Variants in MADD observed in about 807,000 individuals in gnomAD.
The protein encoded by MADD is MAP kinase-activating death domain protein.
In MADD, 109 loss-of-function variants were observed where a neutral mutation model predicts 176.7. The observed-to-expected ratio is 0.62, with a 90% CI of 0.53 to 0.72. MADD has a LOEUF of 0.72. Ranked by LOEUF, MADD falls within the 30% of genes least tolerant of loss-of-function variation. The pLI is 0.00. For missense variants in MADD, 1,914 were observed against 2,045.5 expected, an observed-to-expected ratio of 0.94 and a Z score of 1.24; for synonymous variants, 771 against 771.3, an observed-to-expected ratio of 1.00 and a Z score of 0.01.
Position 47,285,002 on chromosome 11 carries a change from C to T in MADD, c.2219C>T (p.Pro740Leu). ...GCAGTAGGCGTCTCCAAGCCCCTCC[C>T]TTCCGTGCCTCCCAGCATTGGCAAA... Residue 740 changes from proline to leucine, a missense_variant, in exon 13 of 33, where the codon CCT becomes CTT. By Grantham distance (98) the Pro-to-Leu change is moderately conservative. Around this residue, in one of 2 missense-constraint regions of MADD, gnomAD observed 1,767 missense variants for 1,836.0 expected, o/e 0.96. Transcript: ENST00000402192. 2 of 1,614,118 alleles carry T rather than the reference C, an allele frequency of 1.2e-6. No individual in the cohort carries two copies. Among genetic ancestry groups the T allele is most frequent in the Admixed American group, 1.7e-5 (1 of 60,026 alleles).
chr11:47,307,229 AAT>A (rs2083541459), intron 22 of MADD, among the ~76,000 whole-genome samples: 1 of 152,158 alleles, frequency 6.6e-6, no homozygotes, highest in African/African-American at 2.4e-5. Context: ...GAGCTGCTTT[AAT>A]AAGAGTATTT....
chr11:47,295,813 T>A (rs1023356249), intron 21 of MADD, 84 bp from the exon 24 acceptor site: 45 of 1,535,882 alleles, frequency 2.9e-5, no homozygotes, highest in Non-Finnish European at 3.7e-5. Flanking sequence ...AATACTTTTT[T>A]ATGGTGGCAG....
At chr11:47,274,871 C>T (rs372861395) in exon 3 of MADD, 68 of 1,613,962 alleles carry the variant, frequency 4.2e-5, no homozygotes, top group Non-Finnish European at 5.6e-5. Context: ...GGAACCCATG[C>T]CACCTGTGCC....
intron 20 of MADD, 86 bp downstream of exon 22, chr11:47,294,069 G>A (rs1410653391): frequency 1.8e-6 from 2 of 1,129,344 alleles, no homozygotes; most frequent in African/African-American, 3.1e-5. Flanking sequence ...CAGTCAGACA[G>A]CCGGGCACAG....
In MADD at chr11:47,289,047, T is replaced by C. The variant is rs763390605; in HGVS notation, c.2654-344T>C. 6.3e-7 allele frequency: 1 copy of C among 1,578,456 alleles called. No homozygotes were observed. On this transcript the variant is annotated intron_variant, in intron 15 of 32. Coordinates refer to ENST00000402192, the Ensembl canonical transcript of MADD. ...GTGAAGGTGGGTCTTGCCTGTGAGC[T>C]GTGCATGATCTTTTTTTTTTCTCTA... is the stretch of plus-strand genomic sequence containing the variant.
At chr11:47,283,360 T>C (rs1592252675) in intron 10 of MADD, among the ~76,000 whole-genome samples, 1 of 152,144 alleles carries the variant, frequency 6.6e-6, no homozygotes. Flanking sequence ...CCCAAAGTGC[T>C]GAGAATACAG....
chr11:47,284,225 C>T, exon 11 of MADD: 2 of 1,614,110 alleles, frequency 1.2e-6, no homozygotes, highest in Non-Finnish European at 1.7e-6. Flanking sequence ...TCTTACTCCT[C>T]CCTTGGTGAC....
At chr11:47,311,415 C>T (rs1445406394) in intron 25 of MADD, among the ~76,000 whole-genome samples, 3 of 152,138 alleles carry the variant, frequency 2.0e-5, no homozygotes, top group African/African-American at 7.2e-5. Context: ...CTATGAAGAG[C>T]CTTGGGTGTT....
chr11:47,276,354 G>A (rs1012954956), intron 4 of MADD, 152 bp downstream of exon 4: 35 of 718,998 alleles, frequency 4.9e-5, no homozygotes, highest in East Asian at 8.1e-5. Flanking sequence ...CAGGTGTTCC[G>A]TAGATGTGGG....
At position 47,326,736 on chromosome 11, in the gene MADD, A is replaced by G. The variant is rs1482290562; in HGVS notation, c.4543-2A>G. On this transcript the variant is annotated splice_acceptor_variant, in intron 30 of 32. Transcript: ENST00000402192. LOFTEE classifies it high-confidence loss of function. ...ACCCCGGCCTCCCTCCCTCTCTTGC[A>G]GGTTTTCATAGAGCTGAATCACATT... 6.2e-7 allele frequency: 1 copy of G among 1,614,066 alleles called. No individual in the cohort carries two copies. The highest frequency in any genetic ancestry group is 8.5e-7 in the Non-Finnish European group (1 of 1,179,932).
intron 5 of MADD, among the ~76,000 whole-genome samples, chr11:47,277,653 C>G (rs1029291324): frequency 3.9e-5 from 6 of 152,148 alleles, no homozygotes; most frequent in Admixed American, 1.3e-4. Context: ...GCATCAGTAC[C>G]CTTGTGCTTT....
chr11:47,293,747 G>GT, intron 19 of MADD, 136 bp from the exon 22 acceptor site: 6 of 621,212 alleles, frequency 9.7e-6, no homozygotes, highest in Non-Finnish European at 1.5e-5. Context: ...TGGGTCCTGA[G>GT]TGGGGGGTAG....
intron 26 of MADD, among the ~76,000 whole-genome samples, chr11:47,314,205 C>A (rs2091758532): frequency 6.6e-6 from 1 of 150,562 alleles, no homozygotes; most frequent in Non-Finnish European, 1.5e-5. Flanking sequence ...GCACTCCAGC[C>A]TGGGTGACAG....
intron 22 of MADD, among the ~76,000 whole-genome samples, chr11:47,300,871 A>G (rs1388693078): frequency 6.6e-6 from 1 of 152,110 alleles, no homozygotes; most frequent in Non-Finnish European, 1.5e-5. Flanking sequence ...TTCTTGGTTA[A>G]ATCTTGGTAG....
intron 26 of MADD, among the ~76,000 whole-genome samples, chr11:47,314,491 C>T (rs1004791718): frequency 5.3e-5 from 8 of 151,980 alleles, no homozygotes; most frequent in South Asian, 4.1e-4. Flanking sequence ...CCTGTAATTC[C>T]AGGTACTTGG....
chr11:47,310,876 C>T (rs2088232465), intron 25 of MADD, among the ~76,000 whole-genome samples: 3 of 143,616 alleles, frequency 2.1e-5, no homozygotes, highest in Non-Finnish European at 4.5e-5. Context: ...CATTGTACTC[C>T]AGCCTGGGCA....
intron 27 of MADD, among the ~76,000 whole-genome samples, chr11:47,320,458 A>G (rs942285742): frequency 6.6e-6 from 1 of 151,290 alleles, no homozygotes; most frequent in Non-Finnish European, 1.5e-5. Context: ...CCGTCTCAAA[A>G]AAAAAATTTA....
intron 23 of MADD, 112 bp from the exon 26 acceptor site, chr11:47,308,867 TG>T: frequency 9.0e-7 from 1 of 1,116,798 alleles, no homozygotes; most frequent in Non-Finnish European, 1.4e-6. Context: ...GAACAAGCAG[TG>T]GGTGAAAACT....
intron 22 of MADD, among the ~76,000 whole-genome samples, chr11:47,299,265 G>A (rs551900585): frequency 1.3e-5 from 2 of 152,042 alleles, no homozygotes; most frequent in African/African-American, 4.8e-5. Context: ...TGGTAGTATG[G>A]TCATTTTCAC....
Sources: allele counts gnomAD v4.1 joint callset (sites outside exome capture counted in the v4.1 genomes callset), GRCh38; gene constraint gnomAD v4.1.1; regional missense constraint gnomAD v4.1.1; transcripts MANE v1.5; gene names NCBI Gene and HGNC (gene_info 2026-07-23, HGNC 2026-07-21).